The following PTPRD variants were observed in gnomAD, a reference collection of about 807,000 sequenced individuals.
PTPRD encodes protein tyrosine phosphatase receptor type D, also known as receptor-type tyrosine-protein phosphatase delta.
A neutral mutation model predicts 214.5 loss-of-function variants in PTPRD; 34 were observed. The observed-to-expected ratio is 0.16, with a 90% confidence interval of 0.12 to 0.21. The LOEUF (loss-of-function observed/expected upper bound fraction) is 0.21, where lower values mean the gene tolerates loss of function less well. PTPRD is among the 10% of genes least tolerant of loss of function. PTPRD has a pLI of 1.00. For synonymous variants in PTPRD, 1,128 were observed against 845.7 expected (o/e 1.33, Z -5.79); for missense variants, 2,545 against 2,398.7 (o/e 1.06, Z -1.27).
At chr9:8,482,940 T>C (rs1467834984) in intron 30 of PTPRD, among the ~76,000 whole-genome samples, 3 of 152,252 alleles carry the variant, frequency 2.0e-5, no homozygotes, top group Admixed American at 6.5e-5. Context: ...CTGAATTAGC[T>C]GCTCTTAAGA....
At chr9:9,576,670 T>A (rs1214839456) in intron 7 of PTPRD, among the ~76,000 whole-genome samples, 1 of 152,240 alleles carries the variant, frequency 6.6e-6, no homozygotes, top group African/African-American at 2.4e-5. Context: ...AACATTTGGC[T>A]GAAGCTAAAT....
chr9:8,892,031 C>T (rs2098543895), intron 11 of PTPRD, among the ~76,000 whole-genome samples: 2 of 152,120 alleles, frequency 1.3e-5, no homozygotes, highest in South Asian at 4.2e-4. Flanking sequence ...CCTTTCTACT[C>T]CCTCCCTTCC....
At chr9:8,948,268 T>C (rs2099078108) in intron 11 of PTPRD, among the ~76,000 whole-genome samples, 1 of 148,082 alleles carries the variant, frequency 6.8e-6, no homozygotes, top group Non-Finnish European at 1.5e-5. Context: ...TCTGCCTGCC[T>C]CAGCCTCCCA....
intron 4 of PTPRD, among the ~76,000 whole-genome samples, chr9:9,976,689 C>CAAAAAAAAATAAAAAAAAAA (rs2095365644): frequency 1.6e-5 from 1 of 63,268 alleles, no homozygotes; most frequent in Non-Finnish European, 2.6e-5. Flanking sequence ...ACCCTGCCAC[C>CAAAAAAAAATAAAAAAAAAA]AAAAAAAAAA....
At chr9:8,754,583 C>T (rs1238760388) in intron 11 of PTPRD, among the ~76,000 whole-genome samples, 1 of 152,166 alleles carries the variant, frequency 6.6e-6, no homozygotes, top group East Asian at 1.9e-4. Flanking sequence ...CTCTACCTCA[C>T]ACCATATACA....
intron 3 of PTPRD, among the ~76,000 whole-genome samples, chr9:10,045,891 T>C (rs1477966024): frequency 6.6e-6 from 1 of 151,772 alleles, no homozygotes; most frequent in Non-Finnish European, 1.5e-5. Flanking sequence ...CACAATTGTA[T>C]GATACCTCAT....
chr9:8,810,229 A>C (rs1383476249), intron 11 of PTPRD, among the ~76,000 whole-genome samples: 1 of 152,228 alleles, frequency 6.6e-6, no homozygotes, highest in Non-Finnish European at 1.5e-5. Context: ...TAGACTTTGG[A>C]AAGAAAAAGG....
chr9:9,117,981 A>G (rs936185766), intron 10 of PTPRD, among the ~76,000 whole-genome samples: 1 of 152,158 alleles, frequency 6.6e-6, no homozygotes, highest in African/African-American at 2.4e-5. Flanking sequence ...AATTACAACT[A>G]TAAATTTAAC....
rs747464939 is a variant in PTPRD, at chr9:8,527,302, G to A, written c.550+43C>T. On this transcript the variant is annotated intron_variant, in intron 16 of 45. Transcript: ENST00000381196. ...TAATAATAATAATATTCTGGATATG[G>A]AAATTAGTGGGGTTGAAGTGCGCTT... 6 of 1,586,028 alleles carry A rather than the reference G, an allele frequency of 3.8e-6. No individual in the cohort carries two copies. The East Asian group carries it at 6.7e-5, about 18-fold the overall frequency.
chr9:10,335,228 A>C lies in PTPRD; in HGVS notation c.-545+5735T>G, dbSNP rs905391431. Among the ~76,000 whole-genome samples the C allele has an allele frequency of 2.0e-5, 3 of 151,788 alleles. No individual in the cohort carries two copies. The Admixed American group carries it at 2.0e-4, about 10-fold the overall frequency. ...TACTCAAGACTGTGTGGTACTGGCA[A>C]AATAACAGATAAAAAGATCAATGGA... On this transcript the variant is annotated intron_variant, in intron 3 of 45. Transcript: ENST00000381196.
At chr9:9,019,289 A>G (rs1253958834) in intron 10 of PTPRD, among the ~76,000 whole-genome samples, 12 of 37,794 alleles carry the variant, frequency 3.2e-4, no homozygotes, top group African/African-American at 1.0e-3. Context: ...AAGAAGAAAG[A>G]AAGAAAGAAA....
intron 12 of PTPRD, among the ~76,000 whole-genome samples, chr9:8,702,135 C>T (rs1276388973): frequency 2.6e-5 from 4 of 151,908 alleles, no homozygotes; most frequent in African/African-American, 9.7e-5. Flanking sequence ...ACTTTCATAG[C>T]TTTTAATTTC....
chr9:9,491,130 A>G (rs1385801241), intron 8 of PTPRD, among the ~76,000 whole-genome samples: 1 of 151,956 alleles, frequency 6.6e-6, no homozygotes, highest in Non-Finnish European at 1.5e-5. Context: ...ATAGTAAGCA[A>G]AAGAGAGCAG....
rs1413901324 is a variant in PTPRD at position 9,356,739 on chromosome 9, A to C, written c.-203+40710T>G. On this transcript the variant is annotated intron_variant, in intron 9 of 45. Coordinates refer to ENST00000381196, the MANE Select transcript of PTPRD (RefSeq NM_002839.4). ...AAGTACCACTGACTAGTTTTTCTACATTTGCAAAGACAATACTCCCTCTAG... is the reference window on the plus strand; with the variant it reads ...AAGTACCACTGACTAGTTTTTCTACCTTTGCAAAGACAATACTCCCTCTAG... Among the ~76,000 whole-genome samples the C allele has an allele frequency of 4.0e-5, 6 of 151,376 alleles. No individual in the cohort carries two copies. In the Admixed American group the frequency reaches 4.0e-4, roughly 10 times the overall value.
chr9:9,742,689 A>T (rs900382232), intron 6 of PTPRD, among the ~76,000 whole-genome samples: 3 of 152,056 alleles, frequency 2.0e-5, no homozygotes, highest in East Asian at 3.9e-4. Context: ...TCCTTCCTTC[A>T]TCTCAAATAT....
chr9:9,654,383 A>G (rs2096456796), intron 7 of PTPRD, among the ~76,000 whole-genome samples: 1 of 152,108 alleles, frequency 6.6e-6, no homozygotes, highest in Admixed American at 6.5e-5. Flanking sequence ...ATTTATACAC[A>G]TGTCTAAGTA....
intron 14 of PTPRD, among the ~76,000 whole-genome samples, chr9:8,580,383 G>C (rs2092943765): frequency 6.6e-6 from 1 of 152,174 alleles, no homozygotes; most frequent in South Asian, 2.1e-4. Flanking sequence ...AAAGTGGAGT[G>C]ACGATAGCAA....
chr9:9,105,194 G>T (rs779217994), intron 10 of PTPRD, among the ~76,000 whole-genome samples: 1 of 152,148 alleles, frequency 6.6e-6, no homozygotes, highest in Non-Finnish European at 1.5e-5. Flanking sequence ...GGCCCTGAGA[G>T]AAGTGAGAAG....
intron 2 of PTPRD, among the ~76,000 whole-genome samples, chr9:10,356,295 G>T (rs1597936518): frequency 6.6e-6 from 1 of 152,216 alleles, no homozygotes; most frequent in East Asian, 1.9e-4. Context: ...TCTGTTCCAT[G>T]CTGCCCATGC....
Sources: allele counts gnomAD v4.1 joint callset (sites outside exome capture counted in the v4.1 genomes callset), GRCh38; gene constraint gnomAD v4.1.1; transcripts MANE v1.5; gene names NCBI Gene and HGNC (gene_info 2026-07-23, HGNC 2026-07-21).